The following SLC4A4 variants were observed in gnomAD, a reference collection of about 807,000 sequenced individuals.
SLC4A4 encodes electrogenic sodium bicarbonate cotransporter 1.
Under a neutral mutation model 111.5 loss-of-function variants are expected in SLC4A4, and 27 were observed. The observed-to-expected ratio is 0.24, with a 90% CI of 0.18 to 0.33. The LOEUF is 0.33. Ranked by LOEUF, SLC4A4 falls within the 10% of genes least tolerant of loss-of-function variation. The pLI is 1.00. For synonymous variants in SLC4A4, 443 were observed against 463.4 expected, an observed-to-expected ratio of 0.96 and a Z score of 0.57; for missense variants, 909 against 1,315.5, an observed-to-expected ratio of 0.69 and a Z score of 4.78.
At chr4:71,377,720 G>A (rs79333473) in intron 6 of SLC4A4, among the ~76,000 whole-genome samples, 5 of 152,238 alleles carry the variant, frequency 3.3e-5, no homozygotes, top group Admixed American at 6.5e-5. Flanking sequence ...CACAGTCACC[G>A]TAGCAGTAAG....
intron 14 of SLC4A4, among the ~76,000 whole-genome samples, chr4:71,482,087 G>C (rs1413794716): frequency 6.6e-6 from 1 of 151,622 alleles, no homozygotes; most frequent in Non-Finnish European, 1.5e-5. Flanking sequence ...CAAAATATTT[G>C]CACCTGGATC....
At chr4:71,115,178 G>A (rs1172540230) in intron 2 of SLC4A4, among the ~76,000 whole-genome samples, 5 of 138,224 alleles carry the variant, frequency 3.6e-5, no homozygotes, top group Non-Finnish European at 7.7e-5. Flanking sequence ...ACACTCTGGG[G>A]ACTGTTGTGG....
At chr4:71,543,093 G>A (rs2149228741) in intron 18 of SLC4A4, among the ~76,000 whole-genome samples, 1 of 152,222 alleles carries the variant, frequency 6.6e-6, no homozygotes, top group Middle Eastern at 3.4e-3. Context: ...GAAGGAGATG[G>A]TATGTTGAGA....
upstream of SLC4A4, among the ~76,000 whole-genome samples, chr4:71,183,673 G>C (rs1745371280): frequency 6.6e-6 from 1 of 152,130 alleles, no homozygotes; most frequent in Non-Finnish European, 1.5e-5. Flanking sequence ...ACAATGAAGT[G>C]GTTAACAAAA....
At chr4:71,093,139 T>C (rs1742434377) in intron 2 of SLC4A4, among the ~76,000 whole-genome samples, 1 of 152,020 alleles carries the variant, frequency 6.6e-6, no homozygotes, top group South Asian at 2.1e-4. Context: ...AAACCAGTCT[T>C]GTATTTTGAC....
chr4:71,418,049 C>A (rs1000046629), intron 7 of SLC4A4, among the ~76,000 whole-genome samples: 1 of 151,904 alleles, frequency 6.6e-6, no homozygotes, highest in African/African-American at 2.4e-5. Flanking sequence ...TAGCTATATG[C>A]GTATTGACAA....
intron 2 of SLC4A4, among the ~76,000 whole-genome samples, 170 bp downstream of exon 2, chr4:71,236,819 C>T (rs1476414876): frequency 6.6e-6 from 1 of 152,148 alleles, no homozygotes; most frequent in African/African-American, 2.4e-5. Flanking sequence ...ATTTTAAGAA[C>T]TTCACTGGAC....
chr4:71,142,143 C>T (rs1051432664), intron 2 of SLC4A4, among the ~76,000 whole-genome samples: 5 of 152,178 alleles, frequency 3.3e-5, no homozygotes. Flanking sequence ...GTACTCACTG[C>T]TCTATAATTA....
intron 2 of SLC4A4, among the ~76,000 whole-genome samples, chr4:71,137,546 T>C (rs1743878840): frequency 6.6e-6 from 1 of 152,230 alleles, no homozygotes; most frequent in Non-Finnish European, 1.5e-5. Context: ...TTTAGAACTG[T>C]CTCGTTACTT....
intron 16 of SLC4A4, among the ~76,000 whole-genome samples, chr4:71,503,962 A>G (rs1199180241): frequency 6.6e-6 from 1 of 152,152 alleles, no homozygotes; most frequent in Admixed American, 6.6e-5. Context: ...TTGTTTCCAC[A>G]CTTTGAATAT....
chr4:71,079,324 TACA>T (rs1741928684), intron 1 of SLC4A4, among the ~76,000 whole-genome samples: 1 of 152,110 alleles, frequency 6.6e-6, no homozygotes, highest in Non-Finnish European at 1.5e-5. Flanking sequence ...GGGACACATA[TACA>T]GCAGTGTGAA....
At chr4:71,438,590 C>A (rs936403937) in intron 7 of SLC4A4, among the ~76,000 whole-genome samples, 1 of 152,136 alleles carries the variant, frequency 6.6e-6, no homozygotes, top group Non-Finnish European at 1.5e-5. Context: ...GCTTAGAAGT[C>A]CTCAATTATC....
In SLC4A4 at chr4:71,286,052, C is replaced by T. The variant is rs367887764; in HGVS notation, c.253+30653C>T. 1.2e-4 allele frequency among the ~76,000 whole-genome samples: 19 copies of T among 152,192 alleles called. No individual in the cohort carries two copies. In the East Asian group the frequency reaches 2.3e-3, roughly 19 times the overall value. On this transcript the variant is annotated intron_variant, in intron 3 of 25. Coordinates refer to ENST00000264485, the MANE Select transcript of SLC4A4 (RefSeq NM_001098484.3). Reference sequence around the variant, plus strand: ...AGAAGATCGAGACCGTTCTGGCTAACACAGTGAAACCCCGTCTCTACTAAA... The same window carrying T: ...AGAAGATCGAGACCGTTCTGGCTAATACAGTGAAACCCCGTCTCTACTAAA...
chr4:71,411,725 G>C (rs1244739907), intron 7 of SLC4A4, among the ~76,000 whole-genome samples: 2 of 152,348 alleles, frequency 1.3e-5, no homozygotes, highest in Admixed American at 6.5e-5. Flanking sequence ...AAGTTTGCCT[G>C]TCTGTGGTCT....
intron 3 of SLC4A4, among the ~76,000 whole-genome samples, chr4:71,261,437 G>A (rs1721848089): frequency 6.6e-6 from 1 of 152,208 alleles, no homozygotes; most frequent in Non-Finnish European, 1.5e-5. Flanking sequence ...AAGGGCTGTT[G>A]GGTGGGACAA....
intron 3 of SLC4A4, among the ~76,000 whole-genome samples, chr4:71,328,026 A>G (rs1207219742): frequency 1.3e-5 from 2 of 152,020 alleles, no homozygotes; most frequent in Non-Finnish European, 2.9e-5. Context: ...TCTACTCTGT[A>G]TCTCCATGAG....
chr4:71,457,940 AAT>A (rs1467953579), intron 12 of SLC4A4, among the ~76,000 whole-genome samples: 1 of 152,176 alleles, frequency 6.6e-6, no homozygotes, highest in Non-Finnish European at 1.5e-5. Context: ...ATACAATGCA[AAT>A]ACTATGAAAT....
At chr4:71,508,308 G>GA (rs1731603226) in intron 16 of SLC4A4, among the ~76,000 whole-genome samples, 5 of 151,822 alleles carry the variant, frequency 3.3e-5, no homozygotes, top group Non-Finnish European at 5.9e-5. Flanking sequence ...CTGGTTTTTT[G>GA]AAAAAATTAA....
chr4:71,304,380 TCTGAGAGCAGGAG>T (rs1725521427), intron 3 of SLC4A4, among the ~76,000 whole-genome samples: 3 of 152,170 alleles, frequency 2.0e-5, no homozygotes, highest in Non-Finnish European at 4.4e-5. Flanking sequence ...AGTGCTGATG[TCTGAGAGCAGGAG>T]AAGATGAATG....
Sources: allele counts gnomAD v4.1 joint callset (sites outside exome capture counted in the v4.1 genomes callset), GRCh38; gene constraint gnomAD v4.1.1; transcripts MANE v1.5; gene names NCBI Gene and HGNC (gene_info 2026-07-23, HGNC 2026-07-21).